The following SMG6 variants were observed in gnomAD, a reference collection of about 807,000 sequenced individuals.
The protein encoded by SMG6 is SMG6 nonsense mediated mRNA decay factor.
In SMG6, 66 loss-of-function variants were observed where a neutral mutation model predicts 142.2. The observed-to-expected ratio is 0.46, with a 90% CI of 0.38 to 0.57. SMG6 has a LOEUF of 0.57. Ranked by LOEUF, SMG6 falls within the 20% of genes least tolerant of loss-of-function variation. SMG6 has a pLI of 0.00. For missense variants in SMG6, 1,793 were observed against 1,832.0 expected (o/e 0.98, Z 0.39); for synonymous variants, 779 against 702.4 (o/e 1.11, Z -1.72).
intron 2 of SMG6, among the ~76,000 whole-genome samples, chr17:2,298,377 A>G (rs2075190740): frequency 6.6e-6 from 1 of 152,184 alleles, no homozygotes; most frequent in Non-Finnish European, 1.5e-5. Context: ...ATGATCCCTT[A>G]AAGATAATTT....
chr17:2,275,770 T>C lies in SMG6; in HGVS notation c.2661+6877A>G, dbSNP rs182164742. Among the ~76,000 whole-genome samples the C allele has an allele frequency of 2.0e-3, 308 of 152,324 alleles. 2 individuals are homozygous for C. The highest frequency in any genetic ancestry group is 5.2e-3 in the African/African-American group (216 of 41,576). ...CTGGCAACGTGGATTTGGAGGGTCC[T>C]GGCTGGCAGGTGGAAGAGTTGAAAT... On this transcript the variant is annotated intron_variant, in intron 8 of 18. Transcript: ENST00000263073.
chr17:2,076,599 C>T lies in SMG6; in HGVS notation c.3681+5211G>A, dbSNP rs2068266016. Among the ~76,000 whole-genome samples, 4 of 152,184 alleles carry T rather than the reference C, an allele frequency of 2.6e-5. No individual in the cohort carries two copies. The South Asian group carries it at 8.3e-4, about 31-fold the overall frequency. ...TTTTACAGCCACCTCGGCACAGACT[C>T]CAGGGTTCACGCATATGGCCAGACA... On this transcript the variant is annotated intron_variant, in intron 15 of 18. Transcript: ENST00000263073.
chr17:2,254,661 GT>G (rs1304055893), intron 8 of SMG6, among the ~76,000 whole-genome samples: 1 of 152,094 alleles, frequency 6.6e-6, no homozygotes, highest in Non-Finnish European at 1.5e-5. Flanking sequence ...AAATCAACAG[GT>G]TGACACAGCG....
intron 13 of SMG6, among the ~76,000 whole-genome samples, chr17:2,102,977 T>C (rs2069053098): frequency 6.6e-6 from 1 of 152,204 alleles, no homozygotes; most frequent in Non-Finnish European, 1.5e-5. Context: ...AATTTCTTTT[T>C]AAAGGCCAAA....
Position 2,299,557 on chromosome 17 carries a change from T to G in SMG6, c.1196A>C (p.Gln399Pro). 6.2e-7 allele frequency: 1 copy of G among 1,614,124 alleles called. No individual in the cohort carries two copies. The highest frequency in any genetic ancestry group is 8.5e-7 in the Non-Finnish European group (1 of 1,180,024). The stretch of plus-strand genomic sequence containing the variant: ...GCCACGACCACGACCCCGAAGTTCT[T>G]GTTTCGGGTTTTTGGACTCCTGCTT... ...SEKQESKNPK[Q>P]ELRGRGRGIL... The change falls in exon 2 of 19, where the codon CAA becomes CCA. Residue 399 changes from glutamine (Q) to proline (P), a missense_variant. By Grantham distance (76) the Gln-to-Pro change is moderately conservative. Around this residue, in one of 3 missense-constraint regions of SMG6, gnomAD observed 1,597 missense variants for 1,584.6 expected, o/e 1.01. Transcript: ENST00000263073. The surrounding 1 kb of genome is among the most constrained non-coding windows in gnomAD (Gnocchi z 4.3).
chr17:2,215,212 AAC>A (rs148183711), intron 10 of SMG6, among the ~76,000 whole-genome samples: 66 of 151,108 alleles, frequency 4.4e-4, no homozygotes, highest in South Asian at 1.3e-3. Flanking sequence ...GTACATTATA[AAC>A]ACACACACAC....
intron 13 of SMG6, among the ~76,000 whole-genome samples, chr17:2,121,331 T>C (rs2069681245): frequency 6.6e-6 from 1 of 152,100 alleles, no homozygotes; most frequent in Non-Finnish European, 1.5e-5. Context: ...GCTACTAATA[T>C]ATACTAATAT....
At chr17:2,185,463 T>C (rs2071949093) in intron 12 of SMG6, among the ~76,000 whole-genome samples, 1 of 151,834 alleles carries the variant, frequency 6.6e-6, no homozygotes, top group Admixed American at 6.6e-5. Flanking sequence ...TAGAAATAGT[T>C]AAGATGGCAA....
chr17:2,145,643 CA>C (rs61451940), intron 13 of SMG6, among the ~76,000 whole-genome samples: 36 of 23,772 alleles, frequency 1.5e-3, no homozygotes, highest in African/African-American at 2.5e-3. Context: ...TCCATCTCCC[CA>C]AAAAAAAAAA....
At chr17:2,168,423 T>C (rs892275448) in intron 13 of SMG6, among the ~76,000 whole-genome samples, 3 of 152,042 alleles carry the variant, frequency 2.0e-5, no homozygotes, top group East Asian at 3.9e-4. Context: ...CCTCAAGTGA[T>C]CCACCCGCCT....
At chr17:2,204,641 G>A (rs1482236744) in intron 10 of SMG6, among the ~76,000 whole-genome samples, 1 of 152,208 alleles carries the variant, frequency 6.6e-6, no homozygotes, top group African/African-American at 2.4e-5. Flanking sequence ...TCCTGACCTA[G>A]AAGCTGTGGA....
At chr17:2,199,766 G>A (rs1280152180) in intron 10 of SMG6, 3 of 150,512 alleles carry the variant, frequency 2.0e-5, no homozygotes, top group Non-Finnish European at 4.5e-5. Context: ...AAATTAGCCG[G>A]GTGTGGTGGC....
chr17:2,213,117 C>A (rs1305164001), intron 10 of SMG6, among the ~76,000 whole-genome samples: 1 of 152,222 alleles, frequency 6.6e-6, no homozygotes, highest in South Asian at 2.1e-4. Flanking sequence ...CCAGGACTTA[C>A]AGTCACCCTG....
intron 10 of SMG6, among the ~76,000 whole-genome samples, chr17:2,200,854 C>T (rs569675771): frequency 2.9e-4 from 44 of 152,252 alleles, no homozygotes; most frequent in Non-Finnish European, 5.0e-4. Flanking sequence ...GTCTCAAATT[C>T]CTGAACTCAA....
At chr17:2,302,993 G>C in intron 1 of SMG6, 1 of 985,458 alleles carries the variant, frequency 1.0e-6, no homozygotes, top group South Asian at 4.7e-5. Context: ...GGAGAGGTGA[G>C]ACACTTAGAA....
intron 17 of SMG6, 48 bp downstream of exon 17, chr17:2,065,420 G>C: frequency 1.9e-6 from 3 of 1,569,088 alleles, no homozygotes; most frequent in South Asian, 1.1e-5. Flanking sequence ...TGGAGACCTT[G>C]TTCTGGAAGC....
rs1352976559 is a variant in SMG6, at chr17:2,079,122, C to T, written c.3681+2688G>A. On this transcript the variant is annotated intron_variant, in intron 15 of 18. Transcript: ENST00000263073. ...GGGACTACAGGCACCCGCCACCACACCCGGCTCACTTTTGTATTTTTAGTA... is the reference window on the plus strand; with the variant it reads ...GGGACTACAGGCACCCGCCACCACATCCGGCTCACTTTTGTATTTTTAGTA... 3.3e-5 allele frequency among the ~76,000 whole-genome samples: 5 copies of T among 152,204 alleles called. No individual in the cohort carries two copies. In the East Asian group the frequency reaches 7.8e-4, roughly 24 times the overall value.
At chr17:2,276,025 T>C (rs1171281971) in intron 8 of SMG6, among the ~76,000 whole-genome samples, 2 of 152,236 alleles carry the variant, frequency 1.3e-5, no homozygotes, top group Non-Finnish European at 2.9e-5. Context: ...TGTTTACTCA[T>C]GGATCTAAAT....
intron 13 of SMG6, among the ~76,000 whole-genome samples, chr17:2,141,048 G>A (rs969322872): frequency 3.3e-5 from 5 of 152,204 alleles, no homozygotes; most frequent in Admixed American, 6.5e-5. Context: ...TAGAATTGCA[G>A]TGTTTAATAC....
Sources: gnomAD v4.1 joint callset for allele counts (sites outside exome capture counted in the v4.1 genomes callset) on GRCh38, gnomAD v4.1.1 for gene constraint, gnomAD v4.1.1 regional missense constraint, Gnocchi (gnomAD v3.1) non-coding constraint, MANE v1.5 for transcripts, NCBI Gene and HGNC (gene_info 2026-07-23, HGNC 2026-07-21) for gene names.